Variants in SLC26A5 observed in about 807,000 individuals in gnomAD.
The protein encoded by SLC26A5 is prestin.
A neutral mutation model predicts 81.0 loss-of-function variants in SLC26A5; 51 were observed. That is an observed-to-expected ratio of 0.63 (90% CI 0.50 to 0.80). The LOEUF (loss-of-function observed/expected upper bound fraction) is 0.80, where lower values mean the gene tolerates loss of function less well. Ranked by LOEUF, SLC26A5 falls within the 30% of genes least tolerant of loss-of-function variation. The pLI is 0.00. For missense variants in SLC26A5, 771 were observed against 905.8 expected (o/e 0.85, Z 1.91); for synonymous variants, 325 against 332.8 (o/e 0.98, Z 0.25).
chr7:103,408,119 A>C (rs1824203773), intron 7 of SLC26A5, 116 bp from the exon 8 acceptor site: 1 of 1,389,844 alleles, frequency 7.2e-7, no homozygotes, highest in Non-Finnish European at 1.0e-6. Context: ...TTCTAGTGGA[A>C]AGTTCCAAGG....
intron 2 of SLC26A5, among the ~76,000 whole-genome samples, chr7:103,430,871 C>T (rs1826030922): frequency 6.6e-6 from 1 of 152,180 alleles, no homozygotes; most frequent in South Asian, 2.1e-4. Flanking sequence ...GACCATACCC[C>T]AGTCCTCCTT....
At chr7:103,408,672 AT>A (rs1387701226) in intron 7 of SLC26A5, among the ~76,000 whole-genome samples, 1 of 152,258 alleles carries the variant, frequency 6.6e-6, no homozygotes, top group East Asian at 1.9e-4. Context: ...CCAAAGGTAA[AT>A]ACATTGAAAA....
chr7:103,411,650 G>T, intron 5 of SLC26A5, 64 bp from the exon 6 acceptor site: 1 of 1,576,856 alleles, frequency 6.3e-7, no homozygotes, highest in Non-Finnish European at 8.7e-7. Context: ...GTTTTTGCCA[G>T]TACACCAAGA....
chr7:103,353,520 T>G (rs1034322839), intron 19 of SLC26A5, among the ~76,000 whole-genome samples: 7 of 152,184 alleles, frequency 4.6e-5, no homozygotes, highest in African/African-American at 1.4e-4. Flanking sequence ...TTGGCTAGGC[T>G]GGTCTCAAAC....
intron 4 of SLC26A5, among the ~76,000 whole-genome samples, chr7:103,415,820 C>G (rs1303157635): frequency 6.6e-6 from 1 of 152,116 alleles, no homozygotes; most frequent in African/African-American, 2.4e-5. Context: ...TGATTTCTCT[C>G]AGTCTGAAAA....
At chr7:103,368,264 G>T in intron 19 of SLC26A5, 1 of 502,438 alleles carries the variant, frequency 2.0e-6, no homozygotes, top group Admixed American at 3.7e-5. Flanking sequence ...ACCCACACCC[G>T]TTTAAGGATT....
At chr7:103,420,899 G>T in intron 3 of SLC26A5, 22 bp from the exon 4 acceptor site, 1 of 1,592,700 alleles carries the variant, frequency 6.3e-7, no homozygotes, top group South Asian at 1.1e-5. Context: ...AAGACAGACA[G>T]AGATAAAGTT....
intron 8 of SLC26A5, among the ~76,000 whole-genome samples, chr7:103,407,239 C>CT (rs753023320): frequency 6.6e-6 from 1 of 152,158 alleles, no homozygotes; most frequent in Non-Finnish European, 1.5e-5. Flanking sequence ...TAGCATTGTC[C>CT]TTTTTGATTC....
In SLC26A5 at chr7:103,421,398, A is replaced by C. The variant is rs764308981; in HGVS notation, c.117T>G (p.Pro39=). 3.1e-6 allele frequency: 5 copies of C among 1,614,150 alleles called. No homozygotes were observed. The Admixed American group carries it at 8.3e-5, about 27-fold the overall frequency. ...GTTTCAGCTTATCCGCAATGGAATC[A>C]GGAACCTTGTCCTTTGTGTGTAGTC... ...QERLHTKDKV[P]DSIADKLKQA... Residue 39 remains proline, a synonymous_variant, in exon 3 of 20, where the codon CCT becomes CCG. Coordinates refer to ENST00000306312, the MANE Select transcript of SLC26A5 (RefSeq NM_198999.3).
chr7:103,408,159 T>C (rs974596043), intron 7 of SLC26A5, among the ~76,000 whole-genome samples, 156 bp from the exon 8 acceptor site: 3 of 152,228 alleles, frequency 2.0e-5, no homozygotes, highest in African/African-American at 7.2e-5. Context: ...CTTCTACCAA[T>C]TAGGAGGCAT....
intron 9 of SLC26A5, 54 bp downstream of exon 9, chr7:103,397,878 C>T: frequency 7.9e-7 from 1 of 1,263,632 alleles, no homozygotes; most frequent in Non-Finnish European, 1.2e-6. Context: ...GAGTTAGAGG[C>T]AATAGATCCA....
intron 4 of SLC26A5, 112 bp from the exon 5 acceptor site, chr7:103,413,224 T>A (rs1221110569): frequency 2.6e-6 from 2 of 758,692 alleles, no homozygotes; most frequent in Non-Finnish European, 4.6e-6. Context: ...CCATCTTAAT[T>A]TAAGCTGCAA....
downstream of SLC26A5, among the ~76,000 whole-genome samples, chr7:103,371,642 T>A (rs1821046519): frequency 6.6e-6 from 1 of 150,494 alleles, no homozygotes; most frequent in African/African-American, 2.4e-5. Context: ...ACTGTCAATC[T>A]ATCAACCATA....
At chr7:103,434,717 C>T (rs542007922) in intron 2 of SLC26A5, among the ~76,000 whole-genome samples, 254 of 152,106 alleles carry the variant, frequency 1.7e-3, no homozygotes, top group African/African-American at 5.9e-3. Context: ...AGTGGCGCGA[C>T]CTCAGCTCAC....
chr7:103,363,311 A>C lies in SLC26A5; in HGVS notation c.2042-10385T>G, dbSNP rs749988106. The C allele has an allele frequency of 7.2e-6, 11 of 1,534,978 alleles. No homozygotes were observed. In the South Asian group the frequency reaches 1.1e-4, roughly 16 times the overall value. The stretch of plus-strand genomic sequence containing the variant: ...TTGGACAGTATCCAAAAAGCCTGTG[A>C]CTGTATGTTGTACATTTCTGTCCCT... On this transcript the variant is annotated intron_variant, in intron 19 of 19. Coordinates refer to the SLC26A5 transcript ENST00000339444.
intron 19 of SLC26A5, among the ~76,000 whole-genome samples, chr7:103,365,764 C>T (rs1820684965): frequency 6.6e-6 from 1 of 152,042 alleles, no homozygotes; most frequent in Non-Finnish European, 1.5e-5. Flanking sequence ...CCCGTCTCTA[C>T]TAAAAATACA....
intron 19 of SLC26A5, chr7:103,355,655 A>G (rs1819991166): frequency 3.4e-6 from 5 of 1,486,554 alleles, no homozygotes; most frequent in Non-Finnish European, 4.7e-6. Context: ...AGGGTGATGC[A>G]TTACATTTTA....
At chr7:103,414,576 T>C (rs1824763698) in intron 4 of SLC26A5, among the ~76,000 whole-genome samples, 1 of 152,186 alleles carries the variant, frequency 6.6e-6, no homozygotes, top group South Asian at 2.1e-4. Context: ...TAAGGTTCCT[T>C]CATGTCTTTT....
chr7:103,420,767 A>G lies in SLC26A5; in HGVS notation c.263T>C (p.Ile88Thr). ...AGGAAGCTGAAGCACCCCTGTGCTT[A>G]TGCCTGAGACCAAGTCACCCAACAC... is the stretch of plus-strand genomic sequence containing the variant. ...EYVLGDLVSG[I>T]STGVLQLPQG... Residue 88 changes from isoleucine to threonine, a missense_variant, in exon 4 of 20, where the codon ATA becomes ACA. By Grantham distance (89) the Ile-to-Thr change is moderately conservative. Coordinates refer to ENST00000306312, the MANE Select transcript of SLC26A5 (RefSeq NM_198999.3). 6.2e-7 allele frequency: 1 copy of G among 1,614,186 alleles called. No individual in the cohort carries two copies. The highest frequency in any genetic ancestry group is 8.5e-7 in the Non-Finnish European group (1 of 1,180,016).
Sources: gnomAD v4.1 joint callset for allele counts (sites outside exome capture counted in the v4.1 genomes callset) on GRCh38, gnomAD v4.1.1 for gene constraint, MANE v1.5 for transcripts, NCBI Gene and HGNC (gene_info 2026-07-23, HGNC 2026-07-21) for gene names.